KCTD16: variants seen among roughly 807,000 people sequenced by gnomAD.
KCTD16 encodes the protein potassium channel tetramerization domain containing 16.
In KCTD16, 13 loss-of-function variants were observed where a neutral mutation model predicts 33.2. That is an observed-to-expected ratio of 0.39 (90% CI 0.25 to 0.62). KCTD16 has a LOEUF of 0.62. Among genes scored for constraint, KCTD16 ranks in the 20% least tolerant of loss-of-function variants. The pLI is 0.50. For missense variants in KCTD16, 441 were observed against 525.1 expected (o/e 0.84, Z 1.57); for synonymous variants, 197 against 195.3 (o/e 1.01, Z -0.07).
At chr5:144,428,711 G>T (rs1580957522) in intron 3 of KCTD16, among the ~76,000 whole-genome samples, 1 of 152,172 alleles carries the variant, frequency 6.6e-6, no homozygotes. Context: ...GGAAGCTAAA[G>T]CCAAAAGGTG....
intron 3 of KCTD16, among the ~76,000 whole-genome samples, chr5:144,322,378 C>G (rs1752094868): frequency 6.6e-6 from 1 of 152,008 alleles, no homozygotes; most frequent in African/African-American, 2.4e-5. Context: ...ATAAGTTGAT[C>G]TAATCAGAGC....
chr5:144,254,972 C>T (rs754893768), intron 3 of KCTD16, among the ~76,000 whole-genome samples: 1 of 151,996 alleles, frequency 6.6e-6, no homozygotes, highest in East Asian at 1.9e-4. Flanking sequence ...ACTATATTGT[C>T]CAGGCTGGTC....
At chr5:144,230,950 C>G (rs888503630) in intron 3 of KCTD16, among the ~76,000 whole-genome samples, 1 of 152,160 alleles carries the variant, frequency 6.6e-6, no homozygotes, top group Non-Finnish European at 1.5e-5. Context: ...GTTCTCTGAG[C>G]CTCATAGTGA....
chr5:144,429,333 C>T (rs971791422), intron 3 of KCTD16, among the ~76,000 whole-genome samples: 4 of 152,116 alleles, frequency 2.6e-5, no homozygotes, highest in Non-Finnish European at 4.4e-5. Context: ...CAGCTGAGTT[C>T]CCTATGGCTG....
At chr5:144,400,311 G>A (rs912249567) in intron 3 of KCTD16, among the ~76,000 whole-genome samples, 2 of 152,136 alleles carry the variant, frequency 1.3e-5, no homozygotes, top group Non-Finnish European at 2.9e-5. Flanking sequence ...TTGGAACAAG[G>A]GAGGAATCCA....
At chr5:144,368,581 A>T (rs1429258075) in intron 3 of KCTD16, among the ~76,000 whole-genome samples, 3 of 152,178 alleles carry the variant, frequency 2.0e-5, no homozygotes, top group African/African-American at 7.2e-5. Context: ...AAACCTTTAG[A>T]TAAAAAAGCC....
intron 3 of KCTD16, among the ~76,000 whole-genome samples, chr5:144,292,298 A>G (rs1481456512): frequency 6.6e-6 from 1 of 152,160 alleles, no homozygotes. Flanking sequence ...GGACTGAGTA[A>G]CCCAGGATAC....
At chr5:144,325,219 C>T (rs926442672) in intron 3 of KCTD16, among the ~76,000 whole-genome samples, 1 of 152,144 alleles carries the variant, frequency 6.6e-6, no homozygotes, top group Non-Finnish European at 1.5e-5. Flanking sequence ...CACACATATA[C>T]ACAAATCTTT....
At chr5:144,228,040 A>G (rs1753987364) in intron 3 of KCTD16, among the ~76,000 whole-genome samples, 1 of 152,178 alleles carries the variant, frequency 6.6e-6, no homozygotes, top group Admixed American at 6.5e-5. Flanking sequence ...AGTTAGACAT[A>G]TGGGTCTGTG....
At chr5:144,406,109 C>A (rs912423545) in intron 3 of KCTD16, among the ~76,000 whole-genome samples, 5 of 152,114 alleles carry the variant, frequency 3.3e-5, no homozygotes, top group African/African-American at 7.2e-5. Context: ...TATCCTAGCC[C>A]CTGCGCCTGA....
intron 3 of KCTD16, among the ~76,000 whole-genome samples, chr5:144,278,495 T>TTC (rs1380768890): frequency 3.6e-5 from 5 of 138,914 alleles, no homozygotes; most frequent in African/African-American, 1.1e-4. Flanking sequence ...CTTTTTTTTT[T>TTC]TTTTTTTTTT....
intron 3 of KCTD16, among the ~76,000 whole-genome samples, chr5:144,444,306 C>T (rs1753774587): frequency 6.7e-6 from 1 of 149,626 alleles, no homozygotes; most frequent in African/African-American, 2.5e-5. Flanking sequence ...TTCTATATTA[C>T]AGTTGGGTTC....
intron 3 of KCTD16, among the ~76,000 whole-genome samples, chr5:144,296,602 A>G (rs910881448): frequency 2.6e-5 from 4 of 152,212 alleles, no homozygotes; most frequent in African/African-American, 9.7e-5. Context: ...GGAGAACTTC[A>G]CTGTATTCTA....
chr5:144,300,972 G>A (rs1471071028), intron 3 of KCTD16, among the ~76,000 whole-genome samples: 1 of 152,126 alleles, frequency 6.6e-6, no homozygotes, highest in Non-Finnish European at 1.5e-5. Flanking sequence ...GCACGGCACA[G>A]TGGCTTACTC....
At chr5:144,465,200 A>ACT (rs1021181326) in intron 3 of KCTD16, among the ~76,000 whole-genome samples, 6 of 74,410 alleles carry the variant, frequency 8.1e-5, no homozygotes, top group African/African-American at 1.6e-4. Flanking sequence ...TCTCTCTCTC[A>ACT]CTCTCTCTCT....
chr5:144,404,174 G>A (rs1259442735), intron 3 of KCTD16, among the ~76,000 whole-genome samples: 1 of 152,162 alleles, frequency 6.6e-6, no homozygotes, highest in East Asian at 1.9e-4. Flanking sequence ...AGAGTAAGAG[G>A]ATGGAAGAAA....
chr5:144,399,886 G>T (rs973674301), intron 3 of KCTD16, among the ~76,000 whole-genome samples: 1 of 152,098 alleles, frequency 6.6e-6, no homozygotes, highest in Admixed American at 6.5e-5. Context: ...AGTTTCCGGT[G>T]CTAGAACTTC....
chr5:144,474,335 T>C lies in KCTD16; in HGVS notation c.*221T>C. ...ATGTGGAAGTACAAGAAAATCTTTT[T>C]TAGTTATTTGTTTGTTTACTTCGTC... is the stretch of plus-strand genomic sequence containing the variant. On this transcript the variant is annotated 3_prime_UTR_variant, in exon 4 of 4. Coordinates refer to ENST00000512467, the MANE Select transcript of KCTD16 (RefSeq NM_020768.4). 1 of 496,994 alleles carries C rather than the reference T, an allele frequency of 2.0e-6. No homozygotes were observed. The highest frequency in any genetic ancestry group is 3.6e-6 in the Non-Finnish European group (1 of 280,948). The allele number at this position is 496,994 out of a possible 1,614,324, so 30.8% of individuals were successfully genotyped here. A position where few individuals can be genotyped will look rare whatever the true frequency, so the allele number is the denominator to read the frequency against.
chr5:144,199,175 T>C (rs1197310569), intron 2 of KCTD16, among the ~76,000 whole-genome samples: 1 of 152,232 alleles, frequency 6.6e-6, no homozygotes, highest in East Asian at 1.9e-4. Flanking sequence ...GATTCTGATT[T>C]CATTCCACTT....
Sources: gnomAD v4.1 joint callset for allele counts (sites outside exome capture counted in the v4.1 genomes callset) on GRCh38, gnomAD v4.1.1 for gene constraint, MANE v1.5 for transcripts, NCBI Gene and HGNC (gene_info 2026-07-23, HGNC 2026-07-21) for gene names.